ARHGEF33: variants seen among roughly 807,000 people sequenced by gnomAD.
ARHGEF33 encodes DH and coiled-coil domain-containing protein ENSP00000381780.
A neutral mutation model predicts 101.9 loss-of-function variants in ARHGEF33; 72 were observed. The observed-to-expected ratio is 0.71, with a 90% CI of 0.58 to 0.86. The LOEUF is 0.86. ARHGEF33 is among the 40% of genes least tolerant of loss of function. The pLI is 0.00. For synonymous variants in ARHGEF33, 499 were observed against 442.5 expected, an observed-to-expected ratio of 1.13 and a Z score of -1.60; for missense variants, 1,169 against 1,111.3, an observed-to-expected ratio of 1.05 and a Z score of -0.74.
At chr2:38,923,149 T>C (rs1205198779) in intron 4 of ARHGEF33, among the ~76,000 whole-genome samples, 1 of 152,210 alleles carries the variant, frequency 6.6e-6, no homozygotes, top group Non-Finnish European at 1.5e-5. Context: ...CTTATTGCAC[T>C]ACAAATCCTA....
chr2:38,910,976 T>A (rs1432384990), intron 2 of ARHGEF33, among the ~76,000 whole-genome samples: 1 of 152,212 alleles, frequency 6.6e-6, no homozygotes, highest in Non-Finnish European at 1.5e-5. Flanking sequence ...ATAATTTGTA[T>A]GAGCTATGGC....
intron 3 of ARHGEF33, among the ~76,000 whole-genome samples, chr2:38,920,994 C>A (rs535751941): frequency 6.6e-6 from 1 of 152,076 alleles, no homozygotes; most frequent in Non-Finnish European, 1.5e-5. Flanking sequence ...GGTGAAGAGC[C>A]GCCTTCCTGA....
intron 3 of ARHGEF33, among the ~76,000 whole-genome samples, 156 bp downstream of exon 3, chr2:38,919,628 A>C (rs1185837901): frequency 6.6e-6 from 1 of 152,202 alleles, no homozygotes; most frequent in Non-Finnish European, 1.5e-5. Flanking sequence ...CTGGGTGCTG[A>C]AAAAATAGGA....
At chr2:38,968,809 C>A (rs1668105992) in intron 17 of ARHGEF33, among the ~76,000 whole-genome samples, 1 of 152,204 alleles carries the variant, frequency 6.6e-6, no homozygotes, top group African/African-American at 2.4e-5. Context: ...TGGCCTAGGG[C>A]AGTCAGTACC....
intron 2 of ARHGEF33, among the ~76,000 whole-genome samples, chr2:38,911,333 A>G (rs1425192945): frequency 6.6e-6 from 1 of 152,224 alleles, no homozygotes; most frequent in Non-Finnish European, 1.5e-5. Context: ...ACTAAATTAG[A>G]AATGTGCACT....
At chr2:38,892,216 A>G (rs1666020987) in intron 1 of ARHGEF33, among the ~76,000 whole-genome samples, 1 of 152,178 alleles carries the variant, frequency 6.6e-6, no homozygotes, top group Admixed American at 6.5e-5. Context: ...TTGAGGATAT[A>G]ATTCCCTTAT....
At position 38,960,148 on chromosome 2, in the gene ARHGEF33, G is replaced by A; in HGVS notation, c.1843G>A (p.Glu615Lys). 3.9e-6 allele frequency: 6 copies of A among 1,543,230 alleles called. No homozygotes were observed. Among genetic ancestry groups the A allele is most frequent in the Non-Finnish European group, 5.2e-6 (6 of 1,145,582 alleles). ...ARGFVPAAYE[E>K]FEYGGEIFAL... ...CGGCTTCGTGCCCGCGGCCTACGAA[G>A]AGTTCGAGTACGGCGGCGAGATCTT... The change falls in exon 16 of 18, where the codon GAG becomes AAG. Residue 615 changes from glutamate to lysine, a missense_variant. Coordinates refer to ENST00000409978, the MANE Select transcript of ARHGEF33 (RefSeq NM_001145451.5).
rs576255378 is a variant in ARHGEF33, at chr2:38,934,138, T to G, written c.506-1637T>G. On this transcript the variant is annotated intron_variant, in intron 7 of 17. Transcript: ENST00000409978. ...TGTATTTATTCTACCCACTCAATAT[T>G]GGCTTTCATCCTTACCACTCCTGAT... Among the ~76,000 whole-genome samples, 8 of 152,334 alleles carry G rather than the reference T, an allele frequency of 5.3e-5. No homozygotes were observed. The South Asian group carries it at 1.7e-3, about 32-fold the overall frequency.
chr2:38,972,631 A>C (rs1668190544), intron 17 of ARHGEF33, among the ~76,000 whole-genome samples: 1 of 152,214 alleles, frequency 6.6e-6, no homozygotes. Flanking sequence ...TTCTTTGAAT[A>C]ATGTAAAGAG....
At chr2:38,911,581 T>C (rs1448338004) in intron 2 of ARHGEF33, among the ~76,000 whole-genome samples, 1 of 152,200 alleles carries the variant, frequency 6.6e-6, no homozygotes, top group East Asian at 1.9e-4. Context: ...TCTGTTAACT[T>C]ATTATTTAAA....
chr2:38,916,715 C>T (rs1666642049), intron 2 of ARHGEF33, among the ~76,000 whole-genome samples: 1 of 151,808 alleles, frequency 6.6e-6, no homozygotes, highest in South Asian at 2.1e-4. Context: ...ACCCTGCCAA[C>T]TTATTATTTT....
chr2:38,914,136 G>A (rs1203287006), intron 2 of ARHGEF33, among the ~76,000 whole-genome samples: 1 of 152,152 alleles, frequency 6.6e-6, no homozygotes, highest in African/African-American at 2.4e-5. Context: ...AGGTATTCAG[G>A]CAATGAATAT....
At chr2:38,932,696 ATTATCT>A (rs1558432447) in intron 7 of ARHGEF33, among the ~76,000 whole-genome samples, 1 of 152,242 alleles carries the variant, frequency 6.6e-6, no homozygotes, top group Non-Finnish European at 1.5e-5. Flanking sequence ...AAGGTTAAAA[ATTATCT>A]TTACAAAGTA....
intron 1 of ARHGEF33, among the ~76,000 whole-genome samples, chr2:38,892,357 G>T (rs1035735007): frequency 2.0e-5 from 3 of 152,058 alleles, no homozygotes; most frequent in Non-Finnish European, 4.4e-5. Context: ...TTTTCACTGG[G>T]TTTTTTATGG....
At chr2:38,943,747 C>G (rs1667370551) in intron 9 of ARHGEF33, among the ~76,000 whole-genome samples, 154 bp from the exon 10 acceptor site, 1 of 152,126 alleles carries the variant, frequency 6.6e-6, no homozygotes, top group Non-Finnish European at 1.5e-5. Flanking sequence ...GAATGAATTA[C>G]TGCGCCTCCA....
intron 9 of ARHGEF33, among the ~76,000 whole-genome samples, chr2:38,940,656 C>T (rs989544971): frequency 6.6e-6 from 1 of 152,168 alleles, no homozygotes; most frequent in Non-Finnish European, 1.5e-5. Flanking sequence ...GTAGTTTCCA[C>T]ATATGTAATC....
At chr2:38,903,740 G>A (rs999357446) in intron 2 of ARHGEF33, among the ~76,000 whole-genome samples, 1 of 151,966 alleles carries the variant, frequency 6.6e-6, no homozygotes, top group African/African-American at 2.4e-5. Context: ...TACCCTTTAG[G>A]GCCTAGATAG....
At chr2:38,936,558 G>A (rs1667135669) in intron 8 of ARHGEF33, among the ~76,000 whole-genome samples, 1 of 152,158 alleles carries the variant, frequency 6.6e-6, no homozygotes, top group Non-Finnish European at 1.5e-5. Context: ...TATGTATAAA[G>A]CATAGAGGAT....
At position 38,931,173 on chromosome 2, in the gene ARHGEF33, C is replaced by T. The variant is rs747341432; in HGVS notation, c.427C>T (p.Arg143Cys). The T allele has an allele frequency of 1.3e-5, 20 of 1,551,460 alleles. No individual in the cohort carries two copies. The highest frequency in any genetic ancestry group is 8.3e-5 in the South Asian group (7 of 84,060). ...GPAQAQGSPF[R>C]SINIPEPVLP... ...TGCCCAAGCACAAGGAAGTCCTTTTCGTTCTATCAATATCCCTGAGCCTGT... is the reference window on the plus strand; with the variant it reads ...TGCCCAAGCACAAGGAAGTCCTTTTTGTTCTATCAATATCCCTGAGCCTGT... The change falls in exon 7 of 18, where the codon CGT (arginine) becomes TGT (cysteine). Residue 143 changes from arginine (R) to cysteine (C), a missense_variant. Coordinates refer to ENST00000409978, the MANE Select transcript of ARHGEF33 (RefSeq NM_001145451.5).
Sources: gnomAD v4.1 joint callset for allele counts (sites outside exome capture counted in the v4.1 genomes callset) on GRCh38, gnomAD v4.1.1 for gene constraint, MANE v1.5 for transcripts, NCBI Gene and HGNC (gene_info 2026-07-23, HGNC 2026-07-21) for gene names.